The following CHSY3 variants were observed in gnomAD, a reference collection of about 807,000 sequenced individuals.
CHSY3 encodes the protein chondroitin sulfate synthase 3.
Under a neutral mutation model 67.2 loss-of-function variants are expected in CHSY3, and 35 were observed. The observed-to-expected ratio is 0.52, with a 90% CI of 0.40 to 0.69. The LOEUF is 0.69. Ranked by LOEUF, CHSY3 falls within the 30% of genes least tolerant of loss-of-function variation. The pLI is 0.00. For missense variants in CHSY3, 1,069 were observed against 1,138.5 expected (o/e 0.94, Z 0.88); for synonymous variants, 474 against 434.7 (o/e 1.09, Z -1.12).
intron 2 of CHSY3, among the ~76,000 whole-genome samples, chr5:129,927,923 C>T (rs1761170335): frequency 6.6e-6 from 1 of 151,726 alleles, no homozygotes; most frequent in Admixed American, 6.6e-5. Flanking sequence ...TGACCTGAAG[C>T]CCCCACAATT....
chr5:130,118,141 C>A (rs1212915276), intron 2 of CHSY3, among the ~76,000 whole-genome samples: 3 of 152,140 alleles, frequency 2.0e-5, no homozygotes, highest in Non-Finnish European at 4.4e-5. Flanking sequence ...GAGCAGCTGC[C>A]AGCACCACAC....
chr5:129,939,069 T>C (rs1761610021), intron 2 of CHSY3, among the ~76,000 whole-genome samples: 1 of 152,202 alleles, frequency 6.6e-6, no homozygotes, highest in Admixed American at 6.5e-5. Context: ...GCTTCTGCTC[T>C]TGGGGAGCCC....
At chr5:130,113,355 T>C (rs1767648042) in intron 2 of CHSY3, among the ~76,000 whole-genome samples, 1 of 152,150 alleles carries the variant, frequency 6.6e-6, no homozygotes, top group Non-Finnish European at 1.5e-5. Context: ...TACAAGTGTA[T>C]ATCTCAATCT....
rs771398732 is a variant in CHSY3 at position 129,908,288 on chromosome 5, G to A, written c.1014G>A (p.Thr338=). The change falls in exon 2 of 3, where the codon ACG becomes ACA. Residue 338 remains threonine, a synonymous_variant. Coordinates refer to ENST00000305031, the MANE Select transcript of CHSY3 (RefSeq NM_175856.5). The part of the protein sequence containing the change: ...HIGECLREMY[T]THEDVEVGRC... ...GTGAATGCCTTAGAGAAATGTACAC[G>A]ACTCATGAGGATGTGGAAGTAGGAA... 1.9e-6 allele frequency: 3 copies of A among 1,614,112 alleles called. No individual in the cohort carries two copies. Among genetic ancestry groups the A allele is most frequent in the East Asian group, 2.2e-5 (1 of 44,892 alleles).
chr5:130,131,305 C>T (rs1256545356), intron 2 of CHSY3, among the ~76,000 whole-genome samples: 1 of 152,046 alleles, frequency 6.6e-6, no homozygotes, highest in Admixed American at 6.6e-5. Context: ...GTCTAGACAC[C>T]ACTGTTGCCT....
intron 2 of CHSY3, among the ~76,000 whole-genome samples, chr5:130,155,971 A>T (rs940037914): frequency 6.6e-6 from 1 of 152,206 alleles, no homozygotes; most frequent in Non-Finnish European, 1.5e-5. Context: ...ACAGTTTAGC[A>T]TTTGAGAGCA....
chr5:130,178,351 G>T (rs1437572596), intron 2 of CHSY3, among the ~76,000 whole-genome samples: 1 of 147,926 alleles, frequency 6.8e-6, no homozygotes, highest in Admixed American at 6.8e-5. Flanking sequence ...CGCCTCTCGG[G>T]TTCACGCCAT....
At position 130,140,396 on chromosome 5, in the gene CHSY3, T is replaced by C. The variant is rs553812232; in HGVS notation, c.1087-43833T>C. On this transcript the variant is annotated intron_variant, in intron 2 of 2. Transcript: ENST00000305031. ...GAGGAAGTGTTTTTTATGGTTCTGA[T>C]AAAGATGAAGGAAATTGCAGAAACC... The C allele has an allele frequency of 1.8e-4, 124 of 688,818 alleles. 2 individuals are homozygous for C. Among genetic ancestry groups the C allele is most frequent in the Middle Eastern group, 1.6e-3 (4 of 2,478 alleles). 42.7% of individuals were successfully genotyped at this position (688,818 alleles called of 1,614,324 possible).
chr5:129,945,091 G>A (rs887308357), intron 2 of CHSY3, among the ~76,000 whole-genome samples: 1 of 152,194 alleles, frequency 6.6e-6, no homozygotes, highest in African/African-American at 2.4e-5. Context: ...ATTAAAATGA[G>A]CCTGTTTGTT....
chr5:129,973,471 A>G (rs1733949184), intron 2 of CHSY3, among the ~76,000 whole-genome samples: 1 of 152,106 alleles, frequency 6.6e-6, no homozygotes. Context: ...TGGATATAAA[A>G]TGTTTCTTTT....
intron 2 of CHSY3, among the ~76,000 whole-genome samples, chr5:129,978,166 G>C (rs907289202): frequency 6.6e-6 from 1 of 151,986 alleles, no homozygotes; most frequent in African/African-American, 2.4e-5. Flanking sequence ...TGAGCTTAGA[G>C]TACTAATTAT....
chr5:129,911,397 G>A (rs533766841), intron 2 of CHSY3, among the ~76,000 whole-genome samples: 3 of 152,260 alleles, frequency 2.0e-5, no homozygotes, highest in Admixed American at 2.0e-4. Flanking sequence ...TCTTTTGCAA[G>A]TTACTTCTTT....
chr5:130,097,469 C>T (rs1767087448), intron 2 of CHSY3, among the ~76,000 whole-genome samples: 1 of 152,286 alleles, frequency 6.6e-6, no homozygotes, highest in South Asian at 2.1e-4. Flanking sequence ...CTGGGACTCT[C>T]CTGCTACCTG....
At chr5:129,977,304 A>C (rs1041075278) in intron 2 of CHSY3, among the ~76,000 whole-genome samples, 1 of 152,192 alleles carries the variant, frequency 6.6e-6, no homozygotes, top group African/African-American at 2.4e-5. Flanking sequence ...ATTTTCAATT[A>C]CTGATTAGCA....
intron 2 of CHSY3, among the ~76,000 whole-genome samples, chr5:129,929,721 G>C (rs1761235939): frequency 3.9e-5 from 6 of 152,100 alleles, no homozygotes; most frequent in Admixed American, 3.9e-4. Flanking sequence ...TAACATTAGT[G>C]TTTAATAATT....
chr5:130,151,808 A>T (rs1426487232), intron 2 of CHSY3, among the ~76,000 whole-genome samples: 1 of 152,164 alleles, frequency 6.6e-6, no homozygotes, highest in African/African-American at 2.4e-5. Context: ...TGTCCCTTCC[A>T]TGATACATGG....
intron 2 of CHSY3, among the ~76,000 whole-genome samples, chr5:129,959,141 T>G (rs1762260680): frequency 6.6e-6 from 1 of 152,156 alleles, no homozygotes; most frequent in Non-Finnish European, 1.5e-5. Context: ...TATTTCGCAT[T>G]TACTAGTTAC....
rs768766340 is a variant in CHSY3, at chr5:130,184,775, T to G, written c.1633T>G (p.Tyr545Asp). 2.5e-6 allele frequency: 4 copies of G among 1,605,124 alleles called. No homozygotes were observed. The highest frequency in any genetic ancestry group is 3.4e-6 in the Non-Finnish European group (4 of 1,171,770). The change falls in exon 3 of 3, where the codon TAC becomes GAC. Residue 545 changes from tyrosine (Y) to aspartate (D), a missense_variant. Physicochemically the swap from Tyr to Asp is radical, Grantham distance 160. Coordinates refer to ENST00000305031, the MANE Select transcript of CHSY3 (RefSeq NM_175856.5). ...VEYILDLLLL[Y>D]KRHKGRKLTV... The stretch of plus-strand genomic sequence containing the variant: ...GTACATTTTGGATTTACTCCTTTTA[T>G]ACAAAAGACACAAGGGAAGGAAACT...
At chr5:130,028,451 G>T (rs771832370) in intron 2 of CHSY3, among the ~76,000 whole-genome samples, 16 of 152,108 alleles carry the variant, frequency 1.1e-4, no homozygotes, top group Non-Finnish European at 2.2e-4. Context: ...AAACTGGCTA[G>T]CCATATATAG....
Sources: allele counts gnomAD v4.1 joint callset (sites outside exome capture counted in the v4.1 genomes callset), GRCh38; gene constraint gnomAD v4.1.1; transcripts MANE v1.5; gene names NCBI Gene and HGNC (gene_info 2026-07-23, HGNC 2026-07-21).